OR2L13: variants seen among roughly 807,000 people sequenced by gnomAD.
OR2L13 encodes the protein olfactory receptor family 2 subfamily L member 13, also known as olfactory receptor 2L13.
In OR2L13, 14 loss-of-function variants were observed where a neutral mutation model predicts 15.3. That is an observed-to-expected ratio of 0.91 (90% CI 0.60 to 1.43). OR2L13 has a LOEUF of 1.43. Ranked by LOEUF, OR2L13 falls within the 40% of genes most tolerant of loss-of-function variation. The probability of loss-of-function intolerance (pLI) is 0.00; values close to 1 mark genes in which losing one functional copy is unlikely to be tolerated. For synonymous variants in OR2L13, 152 were observed against 142.9 expected, an observed-to-expected ratio of 1.06 and a Z score of -0.45; for missense variants, 367 against 387.9, an observed-to-expected ratio of 0.95 and a Z score of 0.45.
At chr1:247,948,644 T>C in the OR2L13 span, among the ~76,000 whole-genome samples, 4 of 152,246 alleles carry the variant, frequency 2.6e-5, no homozygotes, top group Admixed American at 2.0e-4. Context: ...TATTATCAGT[T>C]ACTCTTGTTA....
exon 3 of OR2L13, chr1:248,100,898 C>A (rs909081714): frequency 6.1e-6 from 1 of 164,378 alleles, no homozygotes; most frequent in East Asian, 1.9e-4. Flanking sequence ...TGAAAATTAA[C>A]AAGTAAAATG....
At chr1:248,094,957 T>G (rs1360209376), upstream of OR2L13, among the ~76,000 whole-genome samples, 1 of 152,178 alleles carries the variant, frequency 6.6e-6, no homozygotes, top group East Asian at 1.9e-4. Flanking sequence ...AATACACCCC[T>G]CTTTAGTCTG....
chr1:248,024,819 A>G, the OR2L13 span, among the ~76,000 whole-genome samples: 1 of 152,268 alleles, frequency 6.6e-6, no homozygotes, highest in African/African-American at 2.4e-5. Flanking sequence ...GCCTTGTAGT[A>G]TAGTTTGAAG....
chr1:247,990,619 G>A, the OR2L13 span: 1 of 1,545,046 alleles, frequency 6.5e-7, no homozygotes, highest in Non-Finnish European at 8.9e-7. Context: ...GACATCAATG[G>A]CCTATGATCG....
At chr1:247,947,376 T>A in the OR2L13 span, among the ~76,000 whole-genome samples, 1 of 152,240 alleles carries the variant, frequency 6.6e-6, no homozygotes, top group East Asian at 1.9e-4. Context: ...GTTGTTATAC[T>A]TGCTCCAAAT....
At chr1:248,012,923 G>A in the OR2L13 span, among the ~76,000 whole-genome samples, 1 of 151,616 alleles carries the variant, frequency 6.6e-6, no homozygotes, top group Non-Finnish European at 1.5e-5. Context: ...TGAAAAATTT[G>A]AGTACCTTTA....
chr1:248,003,290 C>A, the OR2L13 span: 7 of 1,577,470 alleles, frequency 4.4e-6, no homozygotes, highest in Non-Finnish European at 6.1e-6. Context: ...GGACACTCAT[C>A]TCCACACACC....
At chr1:247,937,562 CA>C in the OR2L13 span, 1 of 160,434 alleles carries the variant, frequency 6.2e-6, no homozygotes, top group African/African-American at 2.6e-5. Context: ...CCCCTCCCAT[CA>C]GCAGCTCAGG....
the OR2L13 span, among the ~76,000 whole-genome samples, chr1:247,946,921 A>G: frequency 3.9e-5 from 6 of 152,202 alleles, no homozygotes; most frequent in Non-Finnish European, 8.8e-5. Context: ...AATTTTTTTA[A>G]GAATACTAAC....
At chr1:248,025,494 G>A in the OR2L13 span, among the ~76,000 whole-genome samples, 2 of 149,454 alleles carry the variant, frequency 1.3e-5, no homozygotes, top group Non-Finnish European at 2.9e-5. Flanking sequence ...CTTTTACACT[G>A]TTGGTGGGAC....
chr1:247,949,373 C>T, the OR2L13 span: 1 of 1,614,182 alleles, frequency 6.2e-7, no homozygotes, highest in Non-Finnish European at 8.5e-7. Flanking sequence ...GATCCAGGGC[C>T]ATCAATCATT....
chr1:248,071,191 C>G, the OR2L13 span, among the ~76,000 whole-genome samples: 1,385 of 152,218 alleles, frequency 9.1e-3, 23 homozygotes, highest in African/African-American at 0.032. Flanking sequence ...AATTTTAGAC[C>G]AATATCCCTG....
At chr1:248,015,196 A>G in the OR2L13 span, among the ~76,000 whole-genome samples, 1 of 152,206 alleles carries the variant, frequency 6.6e-6, no homozygotes, top group Non-Finnish European at 1.5e-5. Flanking sequence ...TTAAAAATAC[A>G]TATTGTGTAA....
chr1:248,065,200 T>C, the OR2L13 span, among the ~76,000 whole-genome samples: 1 of 152,204 alleles, frequency 6.6e-6, no homozygotes, highest in African/African-American at 2.4e-5. Flanking sequence ...TCCATCCAAA[T>C]GTTACGCTGT....
chr1:247,968,904 C>T, the OR2L13 span, among the ~76,000 whole-genome samples: 5 of 152,238 alleles, frequency 3.3e-5, no homozygotes, highest in African/African-American at 7.2e-5. Flanking sequence ...GTTCTAGATC[C>T]GTGAGGAATC....
the OR2L13 span, among the ~76,000 whole-genome samples, chr1:248,057,751 T>G: frequency 6.6e-6 from 1 of 152,220 alleles, no homozygotes; most frequent in African/African-American, 2.4e-5. Context: ...TATTTCTTTT[T>G]GTTACTATTG....
chr1:248,092,690 C>T (rs1424747851), upstream of OR2L13, among the ~76,000 whole-genome samples: 2 of 152,160 alleles, frequency 1.3e-5, no homozygotes, highest in Non-Finnish European at 2.9e-5. Flanking sequence ...TGTAAAGAAT[C>T]TCTAAACTCA....
chr1:248,046,044 TA>T, the OR2L13 span, among the ~76,000 whole-genome samples: 1 of 152,142 alleles, frequency 6.6e-6, no homozygotes, highest in Non-Finnish European at 1.5e-5. Context: ...AGATAGATGG[TA>T]TAATTAATTC....
chr1:247,958,539 G>A, the OR2L13 span, among the ~76,000 whole-genome samples: 4 of 152,128 alleles, frequency 2.6e-5, no homozygotes, highest in African/African-American at 9.7e-5. Context: ...GTTGACAGTG[G>A]GGTGTTAAAG....
Sources: gnomAD v4.1 joint callset for allele counts (sites outside exome capture counted in the v4.1 genomes callset) on GRCh38, gnomAD v4.1.1 for gene constraint, MANE v1.5 for transcripts, NCBI Gene and HGNC (gene_info 2026-07-23, HGNC 2026-07-21) for gene names.